The following COG5 variants were observed in gnomAD, a reference collection of about 807,000 sequenced individuals.
COG5 encodes conserved oligomeric Golgi complex subunit 5.
Under a neutral mutation model 110.4 loss-of-function variants are expected in COG5, and 86 were observed. The observed-to-expected ratio is 0.78, with a 90% CI of 0.65 to 0.93. The LOEUF (loss-of-function observed/expected upper bound fraction) is 0.93. Ranked by LOEUF, COG5 falls within the 40% of genes least tolerant of loss-of-function variation. COG5 has a pLI of 0.00. For missense variants in COG5, 1,077 were observed against 987.0 expected (o/e 1.09, Z -1.22); for synonymous variants, 360 against 334.6 (o/e 1.08, Z -0.83).
At chr7:107,279,282 G>A (rs1040011094) in intron 14 of COG5, among the ~76,000 whole-genome samples, 2 of 152,124 alleles carry the variant, frequency 1.3e-5, no homozygotes, top group Non-Finnish European at 2.9e-5. Flanking sequence ...AAAAAGTCAG[G>A]AAACAACAGA....
intron 6 of COG5, among the ~76,000 whole-genome samples, chr7:107,434,485 T>TAC (rs796551634): frequency 8.5e-5 from 13 of 152,292 alleles, no homozygotes; most frequent in African/African-American, 3.1e-4. Context: ...GTACAGTGTG[T>TAC]ACACTGCTTG....
At chr7:107,231,005 C>T (rs1158428482) in intron 18 of COG5, among the ~76,000 whole-genome samples, 1 of 152,138 alleles carries the variant, frequency 6.6e-6, no homozygotes, top group Non-Finnish European at 1.5e-5. Context: ...TTCAAGACTG[C>T]ATGCCTATAC....
At chr7:107,274,123 T>C (rs1804498594) in intron 14 of COG5, among the ~76,000 whole-genome samples, 1 of 152,234 alleles carries the variant, frequency 6.6e-6, no homozygotes, top group East Asian at 1.9e-4. Flanking sequence ...GGAGCGTCCA[T>C]CTTTGGGAAT....
chr7:107,471,131 T>C (rs1796608156), intron 6 of COG5, among the ~76,000 whole-genome samples: 1 of 152,020 alleles, frequency 6.6e-6, no homozygotes, highest in African/African-American at 2.4e-5. Flanking sequence ...AGCTTTTCTC[T>C]CACAATTGTA....
chr7:107,369,829 CAT>C (rs1584739205), intron 8 of COG5, among the ~76,000 whole-genome samples: 1 of 152,098 alleles, frequency 6.6e-6, no homozygotes, highest in East Asian at 1.9e-4. Flanking sequence ...ATTCTCCTTG[CAT>C]AGTTTACAAG....
chr7:107,509,211 G>T (rs1442879770), intron 6 of COG5, among the ~76,000 whole-genome samples: 2 of 152,144 alleles, frequency 1.3e-5, no homozygotes, highest in Non-Finnish European at 2.9e-5. Context: ...AAGGAGCTGA[G>T]GTAGCTGAAA....
rs114777091 is a variant in COG5, at chr7:107,364,213, A to C, written c.836-1793T>G. On this transcript the variant is annotated intron_variant, in intron 8 of 21. Transcript: ENST00000297135. The stretch of plus-strand genomic sequence containing the variant: ...TATGTTTACCCTGAAGCTAATCATG[A>C]AGAAAATATCACATGAATCCAGACA... 5.5e-3 allele frequency among the ~76,000 whole-genome samples: 833 copies of C among 152,326 alleles called. 10 individuals are homozygous for C. The highest frequency in any genetic ancestry group is 0.02 in the African/African-American group (812 of 41,572).
At chr7:107,309,182 T>A (rs1807997502) in intron 11 of COG5, among the ~76,000 whole-genome samples, 1 of 152,088 alleles carries the variant, frequency 6.6e-6, no homozygotes, top group South Asian at 2.1e-4. Context: ...CTCATTCACT[T>A]TGCATCTTCA....
chr7:107,342,141 T>C (rs1475043029), intron 10 of COG5, among the ~76,000 whole-genome samples: 1 of 152,034 alleles, frequency 6.6e-6, no homozygotes, highest in East Asian at 1.9e-4. Context: ...AAAGGTCTAA[T>C]ATCCAGAATC....
At chr7:107,321,453 C>A (rs1237387672) in intron 11 of COG5, among the ~76,000 whole-genome samples, 1 of 152,046 alleles carries the variant, frequency 6.6e-6, no homozygotes, top group Non-Finnish European at 1.5e-5. Flanking sequence ...GAACAAAATT[C>A]TGAAACACAT....
intron 6 of COG5, among the ~76,000 whole-genome samples, chr7:107,438,633 G>A (rs1794512841): frequency 6.6e-6 from 1 of 152,030 alleles, no homozygotes; most frequent in South Asian, 2.1e-4. Context: ...CAATACCCCT[G>A]GACTATCACA....
intron 5 of COG5, among the ~76,000 whole-genome samples, chr7:107,536,212 G>A (rs539645900): frequency 2.0e-5 from 3 of 152,110 alleles, no homozygotes; most frequent in Non-Finnish European, 4.4e-5. Flanking sequence ...ACTGGCACAA[G>A]TCAAGGATGC....
chr7:107,547,364 C>T (rs189867650), intron 5 of COG5, among the ~76,000 whole-genome samples: 8 of 152,264 alleles, frequency 5.3e-5, no homozygotes, highest in East Asian at 1.9e-4. Context: ...ATAGAAGGAA[C>T]GTACCTCAAC....
At chr7:107,206,942 T>C (rs1798827541) in intron 21 of COG5, among the ~76,000 whole-genome samples, 1 of 152,214 alleles carries the variant, frequency 6.6e-6, no homozygotes, top group Non-Finnish European at 1.5e-5. Context: ...GTCTTAACTC[T>C]GGTTTGTAAC....
chr7:107,290,611 A>G (rs1806086606), intron 12 of COG5, among the ~76,000 whole-genome samples: 1 of 152,184 alleles, frequency 6.6e-6, no homozygotes. Context: ...CTGGAATGCT[A>G]GCAACAAATT....
chr7:107,362,779 C>T (rs1224249257), intron 8 of COG5, among the ~76,000 whole-genome samples: 3 of 150,610 alleles, frequency 2.0e-5, no homozygotes, highest in African/African-American at 4.9e-5. Flanking sequence ...CCTGTGTATG[C>T]ACATGTGTGT....
chr7:107,418,613 CTTT>C (rs35480079), intron 6 of COG5, among the ~76,000 whole-genome samples: 2 of 115,624 alleles, frequency 1.7e-5, no homozygotes. Flanking sequence ...TCATGGCTTG[CTTT>C]TTTTTTTTTT....
At chr7:107,475,189 G>C in intron 6 of COG5, 1 of 1,611,340 alleles carries the variant, frequency 6.2e-7, no homozygotes, top group Non-Finnish European at 8.5e-7. Context: ...ATTTCAAAAG[G>C]TCTTGAAAAG....
chr7:107,556,477 T>C (rs1172277565), intron 2 of COG5, among the ~76,000 whole-genome samples: 1 of 152,168 alleles, frequency 6.6e-6, no homozygotes, highest in Non-Finnish European at 1.5e-5. Context: ...TCCTGCAGAG[T>C]AGATGCTGCA....
Sources: allele counts gnomAD v4.1 joint callset (sites outside exome capture counted in the v4.1 genomes callset), GRCh38; gene constraint gnomAD v4.1.1; transcripts MANE v1.5; gene names NCBI Gene and HGNC (gene_info 2026-07-23, HGNC 2026-07-21).